The following IFFO2 variants were observed in gnomAD, a reference collection of about 807,000 sequenced individuals.
IFFO2 encodes the protein intermediate filament family orphan 2.
A neutral mutation model predicts 53.5 loss-of-function variants in IFFO2; 19 were observed. The observed-to-expected ratio is 0.36, with a 90% confidence interval of 0.25 to 0.52. The LOEUF is 0.52. IFFO2 is among the 20% of genes least tolerant of loss of function. The probability of loss-of-function intolerance (pLI) is 0.94; values close to 1 mark genes in which losing one functional copy is unlikely to be tolerated. For synonymous variants in IFFO2, 303 were observed against 313.6 expected, an observed-to-expected ratio of 0.97 and a Z score of 0.36; for missense variants, 570 against 727.4, an observed-to-expected ratio of 0.78 and a Z score of 2.49.
At chr1:18,920,277 C>T (rs905462930) in intron 2 of IFFO2, among the ~76,000 whole-genome samples, 6 of 152,012 alleles carry the variant, frequency 3.9e-5, no homozygotes, top group African/African-American at 9.7e-5. Context: ...ACGATGAACC[C>T]GTTAAATTTA....
At chr1:18,911,336 G>T in intron 7 of IFFO2, 48 bp downstream of exon 7, 1 of 944,614 alleles carries the variant, frequency 1.1e-6, no homozygotes, top group Non-Finnish European at 1.5e-6. Flanking sequence ...TCAACCATGT[G>T]GACCTCAGGA....
rs1935983441 is a variant in IFFO2, at chr1:18,908,444, C to A, written c.*117G>T. ...CTCAGGGCCTCCAGAGAAGGGAGGG[C>A]AGAGAAAGTCTGTGTGGTGTGGCTT... is the stretch of plus-strand genomic sequence containing the variant. On this transcript the variant is annotated 3_prime_UTR_variant, in exon 9 of 9. Coordinates refer to ENST00000455833, the MANE Select transcript of IFFO2 (RefSeq NM_001136265.2). The A allele has an allele frequency of 4.2e-6, 3 of 712,982 alleles. No individual in the cohort carries two copies. Among genetic ancestry groups the A allele is most frequent in the Admixed American group, 2.2e-5 (1 of 45,780 alleles). The allele number at this position is 712,982 out of a possible 1,614,324, so 44.2% of individuals were successfully genotyped here.
chr1:18,950,892 C>T (rs1317837868), intron 1 of IFFO2, among the ~76,000 whole-genome samples: 2 of 152,204 alleles, frequency 1.3e-5, no homozygotes, highest in Non-Finnish European at 2.9e-5. Flanking sequence ...AAGTCCCTCC[C>T]ATCCCAGAAA....
rs549968473 is a variant in IFFO2 at position 18,947,320 on chromosome 1, C to T, written c.665+8348G>A. Among the ~76,000 whole-genome samples, 25 of 152,198 alleles carry T rather than the reference C, an allele frequency of 1.6e-4. No individual in the cohort carries two copies. Among genetic ancestry groups the T allele is most frequent in the Non-Finnish European group, 2.6e-4 (18 of 68,028 alleles). On this transcript the variant is annotated intron_variant, in intron 1 of 8. Transcript: ENST00000455833. This position sits in a 1 kb window ranked among gnomAD's most constrained non-coding sequence, Gnocchi z 5.0. Reference sequence around the variant, plus strand: ...GCTGGTGATCCGTGGATGAGAACCTCGGGCTGGCTGTGCCCTGAGGACACT... The same window carrying T: ...GCTGGTGATCCGTGGATGAGAACCTTGGGCTGGCTGTGCCCTGAGGACACT...
At position 18,916,687 on chromosome 1, in the gene IFFO2, A is replaced by C. The variant is rs1569836812; in HGVS notation, c.1103+216T>G. Among the ~76,000 whole-genome samples the C allele has an allele frequency of 6.6e-6, 1 of 151,800 alleles. No individual in the cohort carries two copies. The highest frequency in any genetic ancestry group is 6.6e-5 in the Admixed American group (1 of 15,248). ...GAGGCTGAGATGAAAGGATCCCTAA[A>C]CCCAAGAGGTTGAGGCTGCAGTGAG... On this transcript the variant is annotated intron_variant, in intron 5 of 8. Coordinates refer to ENST00000455833, the MANE Select transcript of IFFO2 (RefSeq NM_001136265.2). This position sits in a 1 kb window ranked among gnomAD's most constrained non-coding sequence, Gnocchi z 4.3.
At chr1:18,939,614 G>A (rs142716101) in intron 1 of IFFO2, among the ~76,000 whole-genome samples, 1 of 152,322 alleles carries the variant, frequency 6.6e-6, no homozygotes, top group African/African-American at 2.4e-5. Flanking sequence ...CATGAAGATT[G>A]TGTCTCAACT....
chr1:18,954,386 C>A (rs547466943), intron 1 of IFFO2, among the ~76,000 whole-genome samples: 1 of 152,344 alleles, frequency 6.6e-6, no homozygotes, highest in Non-Finnish European at 1.5e-5. Flanking sequence ...ATAATCTCAC[C>A]AGCAGGTATA....
In IFFO2 at chr1:18,918,542, G is replaced by C. The variant is rs528376751; in HGVS notation, c.823-40C>G. ...GCAGGGTTTACATGAGCGAGGGATGGAGCAAGCCTGGGGGGCTTGGCAGAG... is the reference window on the plus strand; with the variant it reads ...GCAGGGTTTACATGAGCGAGGGATGCAGCAAGCCTGGGGGGCTTGGCAGAG... On this transcript the variant is annotated intron_variant, in intron 3 of 8. Transcript: ENST00000455833. The surrounding 1 kb of genome is among the most constrained non-coding windows in gnomAD (Gnocchi z 5.2). 6.5e-7 allele frequency: 1 copy of C among 1,548,334 alleles called. No individual in the cohort carries two copies.
At chr1:18,923,762 C>T (rs1011221594) in intron 1 of IFFO2, among the ~76,000 whole-genome samples, 1 of 152,180 alleles carries the variant, frequency 6.6e-6, no homozygotes, top group African/African-American at 2.4e-5. Context: ...ATCTTATTAA[C>T]ATGCAGAAGC....
At position 18,918,859 on chromosome 1, in the gene IFFO2, C is replaced by G. The variant is rs1014176370; in HGVS notation, c.823-357G>C. On this transcript the variant is annotated intron_variant, in intron 3 of 8. Transcript: ENST00000455833. This position sits in a 1 kb window ranked among gnomAD's most constrained non-coding sequence, Gnocchi z 5.2. ...CCCTTCTTTTCCCACCGGCACACCC[C>G]ACCTGTCCCCCACACAGGCAGCTCT... Among the ~76,000 whole-genome samples the G allele has an allele frequency of 6.6e-6, 1 of 152,158 alleles. No homozygotes were observed.
rs759421890 is a variant in IFFO2 at position 18,928,380 on chromosome 1, G to C, written c.666-7259C>G. On this transcript the variant is annotated intron_variant, in intron 1 of 8. Transcript: ENST00000455833. The surrounding 1 kb of genome is among the most constrained non-coding windows in gnomAD (Gnocchi z 4.9). ...GCCAACTGATTGTCTCCACGGAGGAGGTATTAATTTAATGTGAACACTTAA... is the reference window on the plus strand; with the variant it reads ...GCCAACTGATTGTCTCCACGGAGGACGTATTAATTTAATGTGAACACTTAA... Among the ~76,000 whole-genome samples, 20 of 152,232 alleles carry C rather than the reference G, an allele frequency of 1.3e-4. No homozygotes were observed. Among genetic ancestry groups the C allele is most frequent in the South Asian group, 2.1e-4 (1 of 4,836 alleles).
At chr1:18,932,839 A>G (rs1936396790) in intron 1 of IFFO2, among the ~76,000 whole-genome samples, 1 of 152,174 alleles carries the variant, frequency 6.6e-6, no homozygotes, top group Non-Finnish European at 1.5e-5. Context: ...CAGTCAAGAC[A>G]CACAGGAGGA....
At chr1:18,941,847 A>C (rs956643819) in intron 1 of IFFO2, among the ~76,000 whole-genome samples, 1 of 152,222 alleles carries the variant, frequency 6.6e-6, no homozygotes, top group Non-Finnish European at 1.5e-5. Flanking sequence ...AGGCGGGGAC[A>C]GGGAAAGATT....
At chr1:18,943,831 T>A (rs988051193) in intron 1 of IFFO2, among the ~76,000 whole-genome samples, 1 of 152,178 alleles carries the variant, frequency 6.6e-6, no homozygotes, top group African/African-American at 2.4e-5. Flanking sequence ...TGGAGGGAGC[T>A]TCATCCACAG....
intron 1 of IFFO2, among the ~76,000 whole-genome samples, chr1:18,952,830 G>A (rs972449834): frequency 1.3e-5 from 2 of 152,212 alleles, no homozygotes; most frequent in African/African-American, 4.8e-5. Context: ...CACTTAAAAT[G>A]GGCAGTTTTT....
In IFFO2 at chr1:18,947,398, C is replaced by T. The variant is rs570472672; in HGVS notation, c.665+8270G>A. 2.0e-5 allele frequency among the ~76,000 whole-genome samples: 3 copies of T among 152,332 alleles called. No homozygotes were observed. The highest frequency in any genetic ancestry group is 3.9e-4 in the East Asian group (2 of 5,190). ...TTAATTGAGAGCCTGAGATCCACAGCCTGCCCCAGCTTTGCTAGGCAACAT... is the reference window on the plus strand; with the variant it reads ...TTAATTGAGAGCCTGAGATCCACAGTCTGCCCCAGCTTTGCTAGGCAACAT... On this transcript the variant is annotated intron_variant, in intron 1 of 8. Coordinates refer to ENST00000455833, the MANE Select transcript of IFFO2 (RefSeq NM_001136265.2). This position sits in a 1 kb window ranked among gnomAD's most constrained non-coding sequence, Gnocchi z 5.0.
At chr1:18,954,043 G>A (rs909703729) in intron 1 of IFFO2, among the ~76,000 whole-genome samples, 1 of 152,216 alleles carries the variant, frequency 6.6e-6, no homozygotes, top group East Asian at 1.9e-4. Context: ...CATTGACCAT[G>A]AGGGGCGGCG....
intron 5 of IFFO2, among the ~76,000 whole-genome samples, chr1:18,913,459 C>T (rs937888646): frequency 4.6e-5 from 7 of 152,262 alleles, no homozygotes; most frequent in Non-Finnish European, 1.0e-4. Flanking sequence ...GACAGAAAGA[C>T]GGGCAAGAGA....
chr1:18,917,918 C>T lies in IFFO2; in HGVS notation c.963+444G>A, dbSNP rs1396192248. 1.3e-5 allele frequency among the ~76,000 whole-genome samples: 2 copies of T among 152,198 alleles called. No individual in the cohort carries two copies. Among genetic ancestry groups the T allele is most frequent in the Non-Finnish European group, 2.9e-5 (2 of 68,030 alleles). On this transcript the variant is annotated intron_variant, in intron 4 of 8. Coordinates refer to ENST00000455833, the MANE Select transcript of IFFO2 (RefSeq NM_001136265.2). The surrounding 1 kb of genome is among the most constrained non-coding windows in gnomAD (Gnocchi z 5.9). ...ACAGCTCCTCTTCTGAACTCTGAGG[C>T]CCCTCTACCAGAGCTCAGGCCAGCT... is the stretch of plus-strand genomic sequence containing the variant.
Sources: allele counts gnomAD v4.1 joint callset (sites outside exome capture counted in the v4.1 genomes callset), GRCh38; gene constraint gnomAD v4.1.1; non-coding constraint Gnocchi (gnomAD v3.1); transcripts MANE v1.5; gene names NCBI Gene and HGNC (gene_info 2026-07-23, HGNC 2026-07-21).